RARB: variants seen among roughly 807,000 people sequenced by gnomAD.
The protein encoded by RARB is retinoic acid receptor beta.
In RARB, 17 loss-of-function variants were observed where a neutral mutation model predicts 51.9. The ratio of observed to expected loss-of-function variants is 0.33; its 90% CI spans 0.22 to 0.49. RARB has a LOEUF of 0.49. Ranked by LOEUF, RARB falls within the 20% of genes least tolerant of loss-of-function variation. RARB has a pLI of 0.99. For synonymous variants in RARB, 215 were observed against 195.4 expected (o/e 1.10, Z -0.84); for missense variants, 369 against 550.8 (o/e 0.67, Z 3.30).
intron 2 of RARB, among the ~76,000 whole-genome samples, chr3:25,054,501 T>C (rs567954749): frequency 6.6e-6 from 1 of 152,240 alleles, no homozygotes; most frequent in African/African-American, 2.4e-5. Context: ...TGATCTCACT[T>C]TGTATATCTG....
intron 5 of RARB, among the ~76,000 whole-genome samples, chr3:25,303,126 T>C (rs1436273723): frequency 6.6e-6 from 1 of 152,174 alleles, no homozygotes; most frequent in Non-Finnish European, 1.5e-5. Flanking sequence ...TGGTCCTTTA[T>C]ACAGACAACC....
At chr3:25,577,853 A>G (rs1020860426) in intron 4 of RARB, among the ~76,000 whole-genome samples, 1 of 137,432 alleles carries the variant, frequency 7.3e-6, no homozygotes, top group Non-Finnish European at 1.6e-5. Flanking sequence ...CTGGGGGGCC[A>G]TGGGCGCGAC....
At chr3:24,880,497 C>G (rs1703138448) in intron 2 of RARB, among the ~76,000 whole-genome samples, 1 of 151,928 alleles carries the variant, frequency 6.6e-6, no homozygotes, top group South Asian at 2.1e-4. Flanking sequence ...TTGAAGATAC[C>G]TATTTGTTCT....
intron 5 of RARB, among the ~76,000 whole-genome samples, chr3:25,358,075 T>A (rs1176566203): frequency 6.6e-6 from 1 of 152,188 alleles, no homozygotes; most frequent in Non-Finnish European, 1.5e-5. Flanking sequence ...GGGAATAACA[T>A]TGAATCTATC....
chr3:25,208,053 C>T (rs1193068223), intron 5 of RARB, among the ~76,000 whole-genome samples: 1 of 151,996 alleles, frequency 6.6e-6, no homozygotes, highest in East Asian at 1.9e-4. Context: ...ATGCTACGCA[C>T]CGTTAAGCAA....
rs1018395163 is a variant in RARB, at chr3:24,927,658, A to G, written c.-380+68906A>G. On this transcript the variant is annotated intron_variant, in intron 2 of 11. Transcript: ENST00000383772. ...AGAAATATTCATACCCTCAACACATACTAAGAAACACTGTTACTCATAATT... is the reference window on the plus strand; with the variant it reads ...AGAAATATTCATACCCTCAACACATGCTAAGAAACACTGTTACTCATAATT... Among the ~76,000 whole-genome samples the G allele has an allele frequency of 3.3e-5, 5 of 152,118 alleles. 1 individual carries two copies. Among genetic ancestry groups the G allele is most frequent in the Non-Finnish European group, 7.4e-5 (5 of 67,986 alleles).
At chr3:25,340,329 G>A (rs991782230) in intron 5 of RARB, among the ~76,000 whole-genome samples, 3 of 152,076 alleles carry the variant, frequency 2.0e-5, no homozygotes, top group African/African-American at 7.2e-5. Flanking sequence ...CTGCCTCCAT[G>A]GAATGTAAGT....
intron 3 of RARB, among the ~76,000 whole-genome samples, chr3:25,097,444 G>A (rs1316846550): frequency 1.3e-5 from 2 of 152,256 alleles, no homozygotes; most frequent in East Asian, 1.9e-4. Flanking sequence ...GAAGGAAATT[G>A]CAGATATTTT....
intron 2 of RARB, among the ~76,000 whole-genome samples, chr3:25,058,405 G>C (rs898391986): frequency 6.6e-6 from 1 of 151,672 alleles, no homozygotes; most frequent in African/African-American, 2.4e-5. Context: ...ATGACTTTTG[G>C]TTTTAAAATT....
intron 4 of RARB, among the ~76,000 whole-genome samples, chr3:25,577,134 G>A (rs1433694189): frequency 6.6e-6 from 1 of 152,176 alleles, no homozygotes; most frequent in East Asian, 1.9e-4. Context: ...GGGAGGGGGT[G>A]ACGTGGTGCA....
At chr3:25,135,897 A>G (rs1700025596) in intron 4 of RARB, among the ~76,000 whole-genome samples, 1 of 151,588 alleles carries the variant, frequency 6.6e-6, no homozygotes, top group African/African-American at 2.4e-5. Flanking sequence ...CTTGAAAGTA[A>G]TTTGTCAAGA....
At chr3:24,958,449 T>C (rs1696070794) in intron 2 of RARB, among the ~76,000 whole-genome samples, 1 of 151,986 alleles carries the variant, frequency 6.6e-6, no homozygotes, top group South Asian at 2.1e-4. Context: ...TAAAGGCAAT[T>C]TAATTAAAAC....
intron 2 of RARB, among the ~76,000 whole-genome samples, chr3:25,013,794 A>G (rs756804775): frequency 2.8e-4 from 42 of 152,210 alleles, no homozygotes; most frequent in Non-Finnish European, 5.3e-4. Context: ...AGACTGGACT[A>G]GTTTCTTCTC....
rs766665174 is a variant in RARB at position 25,465,515 on chromosome 3, A to G, written c.306+4174A>G. On this transcript the variant is annotated intron_variant, in intron 2 of 7. Transcript: ENST00000330688. ...CATAACCAGGATGACCTAATTGACT[A>G]TTATTTGGGGAAGAGAACTTTCCAT... Among the ~76,000 whole-genome samples, 278 of 152,280 alleles carry G rather than the reference A, an allele frequency of 1.8e-3. 4 individuals are homozygous for G. Among genetic ancestry groups the G allele is most frequent in the Non-Finnish European group, 1.6e-3 (112 of 68,022 alleles).
intron 5 of RARB, among the ~76,000 whole-genome samples, chr3:25,412,175 A>G (rs745599815): frequency 7.2e-5 from 11 of 152,180 alleles, no homozygotes; most frequent in Admixed American, 1.3e-4. Flanking sequence ...ACAGCAGACA[A>G]TGAACTAGAG....
chr3:25,032,788 G>T (rs1035688925), intron 2 of RARB, among the ~76,000 whole-genome samples: 1 of 152,154 alleles, frequency 6.6e-6, no homozygotes, highest in South Asian at 2.1e-4. Flanking sequence ...CTAGTAACTT[G>T]CCTTCTAAGA....
chr3:25,070,016 G>A (rs1456987812), intron 3 of RARB, among the ~76,000 whole-genome samples: 1 of 152,186 alleles, frequency 6.6e-6, no homozygotes, highest in Non-Finnish European at 1.5e-5. Context: ...TGGAATCAAG[G>A]TATCAGGCAA....
At chr3:25,213,128 A>G (rs1353046313) in intron 5 of RARB, among the ~76,000 whole-genome samples, 1 of 152,186 alleles carries the variant, frequency 6.6e-6, no homozygotes, top group Non-Finnish European at 1.5e-5. Context: ...ATATATAGTA[A>G]GAATATAGTT....
chr3:25,235,974 T>A (rs189341277), intron 5 of RARB, among the ~76,000 whole-genome samples: 3 of 152,206 alleles, frequency 2.0e-5, no homozygotes, highest in Non-Finnish European at 4.4e-5. Flanking sequence ...CATCTCTAGA[T>A]ACTTTATAAG....
Sources: gnomAD v4.1 joint callset for allele counts (sites outside exome capture counted in the v4.1 genomes callset) on GRCh38, gnomAD v4.1.1 for gene constraint, MANE v1.5 for transcripts, NCBI Gene and HGNC (gene_info 2026-07-23, HGNC 2026-07-21) for gene names.